The following STK3 variants were observed in gnomAD, a reference collection of about 807,000 sequenced individuals.
STK3 encodes the protein serine/threonine kinase 3, also known as serine/threonine-protein kinase 3.
In STK3, 41 loss-of-function variants were observed where a neutral mutation model predicts 58.0. The ratio of observed to expected loss-of-function variants is 0.71; its 90% CI spans 0.55 to 0.92. The LOEUF (loss-of-function observed/expected upper bound fraction) is 0.92. Ranked by LOEUF, STK3 falls within the 40% of genes least tolerant of loss-of-function variation. The pLI, the probability that STK3 is intolerant of heterozygous loss-of-function variation, is 0.00. For synonymous variants in STK3, 170 were observed against 191.0 expected (o/e 0.89, Z 0.91); for missense variants, 479 against 602.7 (o/e 0.79, Z 2.15).
rs550724931 is a variant in STK3 at position 98,717,861 on chromosome 8, A to G, written c.352-10550T>C. ...AGAAACATACAATGGAATTTTATTC[A>G]GCCTTAAAAGGGAAGGCAATTCTGC... On this transcript the variant is annotated intron_variant, in intron 4 of 10. Coordinates refer to ENST00000419617, the MANE Select transcript of STK3 (RefSeq NM_006281.4). Among the ~76,000 whole-genome samples the G allele has an allele frequency of 1.1e-4, 16 of 152,346 alleles. 1 individual carries two copies.
chr8:98,834,935 G>T (rs1473184166), intron 3 of STK3, among the ~76,000 whole-genome samples: 2 of 152,198 alleles, frequency 1.3e-5, no homozygotes, highest in African/African-American at 4.8e-5. Flanking sequence ...GAAAAAAGAA[G>T]AGGCAATTCC....
At chr8:98,794,294 A>G (rs1832990572) in intron 1 of STK3, among the ~76,000 whole-genome samples, 1 of 152,220 alleles carries the variant, frequency 6.6e-6, no homozygotes, top group Non-Finnish European at 1.5e-5. Flanking sequence ...AAGAAAAAAG[A>G]GAGAGAAGAT....
At chr8:98,539,024 C>T (rs1810011269) in intron 9 of STK3, among the ~76,000 whole-genome samples, 1 of 152,174 alleles carries the variant, frequency 6.6e-6, no homozygotes, top group Non-Finnish European at 1.5e-5. Context: ...ATTGTCATAT[C>T]CCGGGCAACA....
intron 3 of STK3, among the ~76,000 whole-genome samples, chr8:98,424,294 G>A (rs1358356428): frequency 6.6e-6 from 1 of 152,250 alleles, no homozygotes; most frequent in East Asian, 1.9e-4. Context: ...TGAGCAGGGG[G>A]GCTTGTCCCT....
chr8:98,374,933 A>C (rs976067839), intron 2 of STK3, among the ~76,000 whole-genome samples: 62 of 152,074 alleles, frequency 4.1e-4, no homozygotes, highest in African/African-American at 1.5e-3. Context: ...ACATACCTTA[A>C]ATTTTTTTAT....
chr8:98,553,956 G>GA lies in STK3; in HGVS notation c.949-5796dup, dbSNP rs759338338. ...ACAGAGTGAGACTCCATCCCAAAGG[G>GA]AAAAAAAAAAAAAGTCTCTTATTAA... is the stretch of plus-strand genomic sequence containing the variant. On this transcript the variant is annotated intron_variant, in intron 8 of 10. Coordinates refer to ENST00000419617, the MANE Select transcript of STK3 (RefSeq NM_006281.4). Among the ~76,000 whole-genome samples, 467 of 140,398 alleles carry GA rather than the reference G, an allele frequency of 3.3e-3. 2 individuals carry two copies. Among genetic ancestry groups the GA allele is most frequent in the African/African-American group, 9.6e-3 (369 of 38,436 alleles). The allele number at this position is 140,398 out of a possible 152,430, so 92.1% of individuals were successfully genotyped here. A position where few individuals can be genotyped will look rare whatever the true frequency, so the allele number is the denominator to read the frequency against.
At chr8:98,723,815 C>T (rs994553417) in intron 4 of STK3, among the ~76,000 whole-genome samples, 2 of 152,052 alleles carry the variant, frequency 1.3e-5, no homozygotes, top group East Asian at 1.9e-4. Context: ...AAAAATTGAT[C>T]GAAACTCACC....
chr8:98,516,254 A>G (rs1824924457), intron 10 of STK3, among the ~76,000 whole-genome samples: 1 of 152,090 alleles, frequency 6.6e-6, no homozygotes. Flanking sequence ...GACCATAGAC[A>G]AGGAAGAAAT....
At chr8:98,861,505 G>T (rs549201542) in intron 3 of STK3, among the ~76,000 whole-genome samples, 70 of 151,810 alleles carry the variant, frequency 4.6e-4, no homozygotes, top group Non-Finnish European at 8.1e-4. Context: ...ACGCCACCAT[G>T]CCCGGCTAAT....
chr8:98,366,627 C>G (rs1331160071), downstream of STK3, among the ~76,000 whole-genome samples: 4 of 152,324 alleles, frequency 2.6e-5, no homozygotes, highest in East Asian at 7.7e-4. Context: ...ATAACGCCTC[C>G]TTTATCATAA....
chr8:98,409,066 AG>A lies in STK3; in HGVS notation n.484-7554del, dbSNP rs377214477. Among the ~76,000 whole-genome samples the A allele has an allele frequency of 1.1e-3, 164 of 152,268 alleles. 1 individual carries two copies. Among genetic ancestry groups the A allele is most frequent in the African/African-American group, 3.8e-3 (157 of 41,556 alleles). ...TCTACTTGCCTCTCTCTTCTCACAC[AG>A]GATCTCTCAACTGGAAATGGTCTCC... On this transcript the variant is annotated intron_variant and non_coding_transcript_variant, in intron 3 of 3. Transcript: ENST00000517832.
intron 3 of STK3, among the ~76,000 whole-genome samples, chr8:98,876,427 G>A (rs1837561561): frequency 6.6e-6 from 1 of 152,188 alleles, no homozygotes; most frequent in Non-Finnish European, 1.5e-5. Context: ...CAGGAGAAAT[G>A]TCCCTAAATT....
At chr8:98,883,452 T>C (rs1837871263), downstream of STK3, 1 of 537,674 alleles carries the variant, frequency 1.9e-6, no homozygotes, top group Admixed American at 3.1e-5. Context: ...TCTAAATCAC[T>C]CTCTTGGGCT....
intron 3 of STK3, among the ~76,000 whole-genome samples, chr8:98,869,812 T>TC (rs1165656930): frequency 2.6e-5 from 4 of 151,434 alleles, no homozygotes; most frequent in African/African-American, 4.8e-5. Flanking sequence ...TCTTTTTTTT[T>TC]TCTTTGCTTT....
intron 2 of STK3, among the ~76,000 whole-genome samples, chr8:98,435,815 C>A (rs550506178): frequency 1.9e-4 from 29 of 152,200 alleles, no homozygotes; most frequent in Admixed American, 2.6e-4. Flanking sequence ...CAGGCAGCAC[C>A]CTGAGGGAGC....
intron 1 of STK3, among the ~76,000 whole-genome samples, chr8:98,890,441 C>G (rs927654673): frequency 6.6e-6 from 1 of 152,138 alleles, no homozygotes; most frequent in African/African-American, 2.4e-5. Flanking sequence ...TGAATGTAGA[C>G]CCATTTATTT....
At chr8:98,850,992 T>A (rs950414586) in intron 3 of STK3, among the ~76,000 whole-genome samples, 1 of 152,168 alleles carries the variant, frequency 6.6e-6, no homozygotes, top group Non-Finnish European at 1.5e-5. Context: ...AGCTCCTTCT[T>A]GTGATTAAGT....
At chr8:98,790,994 A>G (rs1832770525) in intron 1 of STK3, among the ~76,000 whole-genome samples, 1 of 152,132 alleles carries the variant, frequency 6.6e-6, no homozygotes, top group Non-Finnish European at 1.5e-5. Context: ...AAAAAAAAAA[A>G]AAAGGCATTC....
chr8:98,686,884 A>C (rs568640182), intron 6 of STK3, among the ~76,000 whole-genome samples: 2 of 152,298 alleles, frequency 1.3e-5, no homozygotes, highest in South Asian at 4.1e-4. Flanking sequence ...TAAAAATAAA[A>C]ATAATTTTTA....
Sources: gnomAD v4.1 joint callset for allele counts (sites outside exome capture counted in the v4.1 genomes callset) on GRCh38, gnomAD v4.1.1 for gene constraint, MANE v1.5 for transcripts, NCBI Gene and HGNC (gene_info 2026-07-23, HGNC 2026-07-21) for gene names.